RELN: variants seen among roughly 807,000 people sequenced by gnomAD.
The protein encoded by RELN is reelin.
RELN carries 108 observed loss-of-function variants against 427.6 expected under a neutral mutation model. The observed-to-expected ratio is 0.25, with a 90% CI of 0.22 to 0.30. The LOEUF (loss-of-function observed/expected upper bound fraction) is 0.30. Among genes scored for constraint, RELN ranks in the 10% least tolerant of loss-of-function variants. The probability of loss-of-function intolerance (pLI) is 1.00; values close to 1 mark genes in which losing one functional copy is unlikely to be tolerated. For synonymous variants in RELN, 1,524 were observed against 1,513.4 expected (o/e 1.01, Z -0.16); for missense variants, 3,715 against 4,302.8 (o/e 0.86, Z 3.82).
chr7:103,530,949 CCAGTGCAAGAATTTAAGA>C (rs1165358772), intron 46 of RELN, among the ~76,000 whole-genome samples: 1 of 152,168 alleles, frequency 6.6e-6, no homozygotes, highest in Non-Finnish European at 1.5e-5. Flanking sequence ...GTAACCTCCT[CCAGTGCAAGAATTTAAGA>C]CAGTGCCCTA....
At chr7:103,855,548 C>A (rs187094214) in intron 2 of RELN, among the ~76,000 whole-genome samples, 19 of 152,268 alleles carry the variant, frequency 1.2e-4, no homozygotes, top group Admixed American at 1.0e-3. Context: ...AGAAGAGAGG[C>A]AGAAAGGATT....
At chr7:103,492,477 C>A (rs1828706079) in intron 57 of RELN, among the ~76,000 whole-genome samples, 1 of 152,048 alleles carries the variant, frequency 6.6e-6, no homozygotes, top group Admixed American at 6.6e-5. Flanking sequence ...TTCTGTATTT[C>A]CATATCAATG....
At chr7:103,840,910 T>C (rs1278209565) in intron 2 of RELN, among the ~76,000 whole-genome samples, 1 of 152,202 alleles carries the variant, frequency 6.6e-6, no homozygotes, top group Non-Finnish European at 1.5e-5. Context: ...TAACTATGCT[T>C]TTTCTCAAAG....
rs2117021431 is a variant in RELN, at chr7:103,496,736, A to G, written c.8983T>C (p.Tyr2995His). ...TGTCTAACAGAAATGTATTTCTGGT[A>G]ATCCATCTCATGGAGCAAAGTCCAG... ...ITWTLLHEMD[Y>H]QKYISVRHDY... Residue 2995 changes from tyrosine (Y) to histidine (H), a missense_variant, in exon 56 of 65, where the codon TAC becomes CAC. Around this residue, in one of 4 missense-constraint regions of RELN, gnomAD observed 1,310 missense variants for 1,643.0 expected, o/e 0.80. Coordinates refer to ENST00000428762, the MANE Select transcript of RELN (RefSeq NM_005045.4). 1.9e-6 allele frequency: 3 copies of G among 1,614,106 alleles called. No individual in the cohort carries two copies. The East Asian group carries it at 6.7e-5, about 36-fold the overall frequency.
At chr7:103,665,054 A>G (rs1224766468) in intron 11 of RELN, among the ~76,000 whole-genome samples, 1 of 152,150 alleles carries the variant, frequency 6.6e-6, no homozygotes, top group African/African-American at 2.4e-5. Flanking sequence ...TTTCTTCTAA[A>G]AGTTTTAAAG....
At chr7:103,926,532 CTGT>C (rs1458369860) in intron 1 of RELN, among the ~76,000 whole-genome samples, 3 of 149,930 alleles carry the variant, frequency 2.0e-5, no homozygotes, top group African/African-American at 7.4e-5. Flanking sequence ...TGTCATACAT[CTGT>C]TGTTTGTAAA....
chr7:103,920,219 ATATT>A (rs1407791031), intron 1 of RELN, among the ~76,000 whole-genome samples: 1 of 152,216 alleles, frequency 6.6e-6, no homozygotes, highest in Non-Finnish European at 1.5e-5. Context: ...TCCTTTAAAA[ATATT>A]TATTTATAAA....
chr7:103,741,802 G>A (rs988268403), intron 6 of RELN, among the ~76,000 whole-genome samples: 1 of 152,248 alleles, frequency 6.6e-6, no homozygotes, highest in Non-Finnish European at 1.5e-5. Flanking sequence ...GAAGATATTT[G>A]AGGGGGAGAA....
intron 2 of RELN, among the ~76,000 whole-genome samples, chr7:103,856,569 C>CA (rs34695080): frequency 0.038 from 3,068 of 80,098 alleles, 63 homozygotes; most frequent in Non-Finnish European, 0.044. Context: ...AACTCCACCT[C>CA]AAAAAAAAAA....
intron 2 of RELN, among the ~76,000 whole-genome samples, chr7:103,879,635 G>C (rs759713493): frequency 1.3e-5 from 2 of 152,164 alleles, no homozygotes; most frequent in Non-Finnish European, 2.9e-5. Flanking sequence ...ACACTGACCA[G>C]GCCAGTGGTA....
intron 29 of RELN, 43 bp downstream of exon 29, chr7:103,575,505 C>T: frequency 6.3e-7 from 1 of 1,581,974 alleles, no homozygotes; most frequent in Non-Finnish European, 8.7e-7. Flanking sequence ...CTAGAGATGA[C>T]TATTTTACAA....
intron 24 of RELN, among the ~76,000 whole-genome samples, chr7:103,598,854 T>C (rs1831600476): frequency 6.6e-6 from 1 of 152,248 alleles, no homozygotes; most frequent in South Asian, 2.1e-4. Context: ...GAATTCAATG[T>C]AACATATGCT....
chr7:103,814,765 G>T (rs904371714), intron 3 of RELN, among the ~76,000 whole-genome samples: 1 of 109,514 alleles, frequency 9.1e-6, no homozygotes, highest in Non-Finnish European at 1.9e-5. Flanking sequence ...ATGTAGCTCT[G>T]TGACAGAGCT....
intron 4 of RELN, among the ~76,000 whole-genome samples, chr7:103,755,786 C>T (rs13311057): frequency 1.6e-5 from 2 of 122,788 alleles, no homozygotes; most frequent in African/African-American, 3.2e-5. Flanking sequence ...GCACTCCAGT[C>T]TGGGGGACAG....
At chr7:103,718,889 A>G (rs1790006552) in intron 8 of RELN, among the ~76,000 whole-genome samples, 1 of 152,146 alleles carries the variant, frequency 6.6e-6, no homozygotes, top group African/African-American at 2.4e-5. Flanking sequence ...GCTAAATTGA[A>G]CAAGTATATT....
At chr7:103,931,168 C>T (rs995078666) in intron 1 of RELN, among the ~76,000 whole-genome samples, 1 of 152,112 alleles carries the variant, frequency 6.6e-6, no homozygotes, top group Non-Finnish European at 1.5e-5. Context: ...GCCTCCCCAT[C>T]CTGCCTCTCA....
chr7:103,728,976 G>T (rs1345333227), intron 6 of RELN, among the ~76,000 whole-genome samples: 1 of 152,092 alleles, frequency 6.6e-6, no homozygotes. Context: ...CTTAGGACAG[G>T]ATCTCAAAAA....
chr7:103,762,622 A>G (rs562216328), intron 4 of RELN, among the ~76,000 whole-genome samples: 12 of 152,322 alleles, frequency 7.9e-5, no homozygotes, highest in Non-Finnish European at 1.3e-4. Flanking sequence ...AGTTCCAAAA[A>G]TGCTAGCTGA....
intron 11 of RELN, among the ~76,000 whole-genome samples, chr7:103,670,385 T>C (rs1231653193): frequency 6.6e-6 from 1 of 152,136 alleles, no homozygotes; most frequent in African/African-American, 2.4e-5. Context: ...ACAATATTCT[T>C]TGTCTGTCAA....
Sources: allele counts gnomAD v4.1 joint callset (sites outside exome capture counted in the v4.1 genomes callset), GRCh38; gene constraint gnomAD v4.1.1; regional missense constraint gnomAD v4.1.1; transcripts MANE v1.5; gene names NCBI Gene and HGNC (gene_info 2026-07-23, HGNC 2026-07-21).